Variants in RTL4 observed in about 807,000 individuals in gnomAD.
The protein encoded by RTL4 is retrotransposon Gag like 4.
In RTL4, 4 loss-of-function variants were observed where a neutral mutation model predicts 5.3. That is an observed-to-expected ratio of 0.75 (90% CI 0.37 to 1.72). The LOEUF (loss-of-function observed/expected upper bound fraction) is 1.72, where lower values mean the gene tolerates loss of function less well. Among genes scored for constraint, RTL4 ranks in the 40% most tolerant of loss-of-function variants. RTL4 has a pLI of 0.04. For missense variants in RTL4, 260 were observed against 227.1 expected, an observed-to-expected ratio of 1.14 and a Z score of -0.93; for synonymous variants, 98 against 87.3, an observed-to-expected ratio of 1.12 and a Z score of -0.68.
the RTL4 span, among the ~76,000 whole-genome samples, chrX:112,335,911 C>T: frequency 1.8e-5 from 2 of 109,605 alleles, no homozygotes; most frequent in African/African-American, 3.3e-5. Context: ...GGTGCGATCT[C>T]GGCTCACTGC....
the RTL4 span, among the ~76,000 whole-genome samples, chrX:112,125,704 A>C: frequency 4.5e-5 from 5 of 111,770 alleles, no homozygotes; most frequent in African/African-American, 1.6e-4. Flanking sequence ...GATAAAGGAG[A>C]TAGGGAAAAA....
At chrX:112,368,306 G>A in the RTL4 span, among the ~76,000 whole-genome samples, 3 of 111,224 alleles carry the variant, frequency 2.7e-5, no homozygotes, top group Non-Finnish European at 3.8e-5. Context: ...CATTGTGAAC[G>A]TCTGGTGAAG....
chrX:112,354,341 G>A, the RTL4 span, among the ~76,000 whole-genome samples: 4 of 111,067 alleles, frequency 3.6e-5, no homozygotes, highest in Non-Finnish European at 5.7e-5. Context: ...AATGGTGATG[G>A]CAATATAATA....
chrX:112,154,869 A>G, the RTL4 span, among the ~76,000 whole-genome samples: 1 of 111,734 alleles, frequency 8.9e-6, no homozygotes, highest in Non-Finnish European at 1.9e-5. Context: ...ATGTCCTCCA[A>G]AATTCATGTA....
the RTL4 span, among the ~76,000 whole-genome samples, chrX:112,434,602 G>A: frequency 1.8e-5 from 2 of 111,334 alleles, no homozygotes; most frequent in Non-Finnish European, 1.9e-5. Flanking sequence ...TTTTTATTGT[G>A]TCTATTTGAT....
At chrX:112,119,296 G>A in the RTL4 span, among the ~76,000 whole-genome samples, 1 of 110,630 alleles carries the variant, frequency 9.0e-6, no homozygotes, top group African/African-American at 3.3e-5. Context: ...TTTTTTAAAG[G>A]AAAAATGTGT....
chrX:112,098,948 C>A, the RTL4 span, among the ~76,000 whole-genome samples: 2 of 111,904 alleles, frequency 1.8e-5, no homozygotes, highest in Non-Finnish European at 3.8e-5. Flanking sequence ...AAAACCTAGG[C>A]AATACCATTC....
At chrX:112,304,873 T>A in the RTL4 span, among the ~76,000 whole-genome samples, 822 of 107,756 alleles carry the variant, frequency 7.6e-3, 6 homozygotes, top group Non-Finnish European at 0.012. Flanking sequence ...TCTTTCCTTA[T>A]CTTTCCTCTT....
chrX:112,222,949 AC>A, the RTL4 span, among the ~76,000 whole-genome samples: 1 of 112,325 alleles, frequency 8.9e-6, no homozygotes, highest in African/African-American at 3.2e-5. Flanking sequence ...ATATTATGAT[AC>A]AAATGTTAAT....
At chrX:112,122,534 T>C in the RTL4 span, among the ~76,000 whole-genome samples, 1 of 110,658 alleles carries the variant, frequency 9.0e-6, no homozygotes. Context: ...GCATAAACAA[T>C]TTTTTACTAT....
chrX:112,211,072 C>T, the RTL4 span, among the ~76,000 whole-genome samples: 1 of 112,134 alleles, frequency 8.9e-6, no homozygotes, highest in African/African-American at 3.2e-5. Context: ...GAAAATGACA[C>T]CACATGGAAT....
At chrX:112,440,485 C>T in the RTL4 span, among the ~76,000 whole-genome samples, 6 of 111,656 alleles carry the variant, frequency 5.4e-5, no homozygotes, top group East Asian at 1.7e-3. Context: ...TACATCACTC[C>T]TGATGGGTAT....
At chrX:112,153,728 C>CA in the RTL4 span, among the ~76,000 whole-genome samples, 1 of 111,232 alleles carries the variant, frequency 9.0e-6, no homozygotes, top group Non-Finnish European at 1.9e-5. Flanking sequence ...TATTTTTACA[C>CA]AAAAAATAGG....
At chrX:112,431,835 T>G in the RTL4 span, among the ~76,000 whole-genome samples, 1 of 104,011 alleles carries the variant, frequency 9.6e-6, no homozygotes, top group African/African-American at 3.5e-5. Flanking sequence ...ACCCATTAAC[T>G]CGTCATTTAG....
At chrX:112,446,772 C>T in the RTL4 span, among the ~76,000 whole-genome samples, 4 of 111,595 alleles carry the variant, frequency 3.6e-5, no homozygotes, top group Non-Finnish European at 7.5e-5. Flanking sequence ...TACTTGAACC[C>T]GGGAAGCGAA....
chrX:112,291,840 C>T, the RTL4 span, among the ~76,000 whole-genome samples: 1 of 110,477 alleles, frequency 9.1e-6, no homozygotes, highest in Non-Finnish European at 1.9e-5. Context: ...CGTAATCCGC[C>T]CCCCTCGGCC....
At chrX:112,330,628 A>C in the RTL4 span, among the ~76,000 whole-genome samples, 1 of 110,952 alleles carries the variant, frequency 9.0e-6, no homozygotes, top group Admixed American at 9.6e-5. Context: ...GCTACCAAAG[A>C]CTTTCTTCAC....
At chrX:112,185,532 G>A in the RTL4 span, among the ~76,000 whole-genome samples, 1 of 107,370 alleles carries the variant, frequency 9.3e-6, no homozygotes, top group Non-Finnish European at 1.9e-5. Context: ...TTTTCTCATG[G>A]TATTTATCTA....
chrX:112,345,887 T>C, the RTL4 span, among the ~76,000 whole-genome samples: 1 of 111,783 alleles, frequency 8.9e-6, no homozygotes, highest in Non-Finnish European at 1.9e-5. Flanking sequence ...CATTAGACTT[T>C]TTAAAACCAA....
Sources: allele counts gnomAD v4.1 joint callset (sites outside exome capture counted in the v4.1 genomes callset), GRCh38; gene constraint gnomAD v4.1.1; transcripts MANE v1.5; gene names NCBI Gene and HGNC (gene_info 2026-07-23, HGNC 2026-07-21).